The following RGS12 variants were observed in gnomAD, a reference collection of about 807,000 sequenced individuals.
The protein encoded by RGS12 is regulator of G protein signaling 12, also known as regulator of G-protein signaling 12.
Under a neutral mutation model 120.1 loss-of-function variants are expected in RGS12, and 66 were observed. That is an observed-to-expected ratio of 0.55 (90% CI 0.45 to 0.67). The LOEUF is 0.67. Ranked by LOEUF, RGS12 falls within the 30% of genes least tolerant of loss-of-function variation. The pLI is 0.00. For synonymous variants in RGS12, 827 were observed against 804.7 expected, an observed-to-expected ratio of 1.03 and a Z score of -0.47; for missense variants, 1,859 against 1,957.7, an observed-to-expected ratio of 0.95 and a Z score of 0.95.
At chr4:3,293,447 C>T (rs1723168575) in intron 1 of RGS12, among the ~76,000 whole-genome samples, 1 of 144,234 alleles carries the variant, frequency 6.9e-6, no homozygotes, top group South Asian at 2.1e-4. Context: ...GGGGCGGCGC[C>T]GGGCAGGGGG....
Position 3,372,566 on chromosome 4 carries a change from A to C in RGS12, c.1999-13850A>C, listed in dbSNP as rs957428285. On this transcript the variant is annotated intron_variant, in intron 3 of 17. Transcript: ENST00000336727. The surrounding 1 kb of genome is among the most constrained non-coding windows in gnomAD (Gnocchi z 4.3). ...GTCAGAGGCCGCCTCGGGTGCATCC[A>C]CGCTGGCCCCCCCAGGTGTGCCCTG... is the stretch of plus-strand genomic sequence containing the variant. Among the ~76,000 whole-genome samples the C allele has an allele frequency of 6.6e-6, 1 of 152,134 alleles. No individual in the cohort carries two copies. Among genetic ancestry groups the C allele is most frequent in the Non-Finnish European group, 1.5e-5 (1 of 68,030 alleles).
upstream of RGS12, among the ~76,000 whole-genome samples, chr4:3,291,292 C>T (rs1024578841): frequency 6.6e-6 from 1 of 151,976 alleles, no homozygotes; most frequent in African/African-American, 2.4e-5. Context: ...TAGGCAGGAG[C>T]CAAGAAGGTC....
intron 6 of RGS12, among the ~76,000 whole-genome samples, chr4:3,415,244 G>C (rs1011719987): frequency 2.0e-5 from 3 of 152,112 alleles, no homozygotes; most frequent in African/African-American, 4.8e-5. Flanking sequence ...AGGCTGGCTC[G>C]GTGCAGGGAG....
Position 3,428,168 on chromosome 4 carries a change from C to T in RGS12, c.3410C>T (p.Thr1137Met), listed in dbSNP as rs777956928. The change falls in exon 15 of 18, where the codon ACG (threonine) becomes ATG (methionine). Residue 1137 changes from threonine (T) to methionine (M), a missense_variant and splice_region_variant. Physicochemically the swap from Thr to Met is moderately conservative, Grantham distance 81. Transcript: ENST00000336727. ...VNSSSRNHSATGEERTLGKSN... is the reference protein window; with the variant it reads ...VNSSSRNHSAMGEERTLGKSN... ...TCCAGCTCCAGAAACCACTCGGCTACGGTAATTCCCCACCCTGGCCCACCC... is the reference window on the plus strand; with the variant it reads ...TCCAGCTCCAGAAACCACTCGGCTATGGTAATTCCCCACCCTGGCCCACCC... The T allele has an allele frequency of 5.7e-5, 92 of 1,613,068 alleles. No individual in the cohort carries two copies. Among genetic ancestry groups the T allele is most frequent in the East Asian group, 2.5e-4 (11 of 44,890 alleles).
At chr4:3,362,684 G>T (rs78154240) in intron 3 of RGS12, among the ~76,000 whole-genome samples, 36,372 of 127,474 alleles carry the variant, frequency 0.29, 5,459 homozygotes, top group African/African-American at 0.38. Context: ...TGAGGGTGAG[G>T]GTGTGTGTGA....
In RGS12 at chr4:3,318,060, G is replaced by T. The variant is rs762585915; in HGVS notation, c.1881+9G>T. 1.8e-5 allele frequency: 28 copies of T among 1,517,264 alleles called. No individual in the cohort carries two copies. Among genetic ancestry groups the T allele is most frequent in the Non-Finnish European group, 2.5e-5 (28 of 1,113,438 alleles). 94.0% of individuals were successfully genotyped at this position (1,517,264 alleles called of 1,614,324 possible). The stretch of plus-strand genomic sequence containing the variant: ...CTAAGGAAGATAAAAAGGTAAGCCT[G>T]CCAGGAGCCACTCAGCGCGGAGGCC... On this transcript the variant is annotated intron_variant, in intron 2 of 17. Transcript: ENST00000336727.
intron 3 of RGS12, among the ~76,000 whole-genome samples, chr4:3,381,080 G>A (rs760261441): frequency 5.1e-4 from 78 of 152,186 alleles, no homozygotes; most frequent in Middle Eastern, 6.8e-3. Context: ...TCTCTCTTAC[G>A]TTCAAAGTTC....
chr4:3,402,325 C>T (rs16844277), intron 4 of RGS12, among the ~76,000 whole-genome samples: 11,407 of 152,106 alleles, frequency 0.075, 1,109 homozygotes, highest in African/African-American at 0.23. Flanking sequence ...GCCTTTTTTC[C>T]GTGTCTTGTG....
At chr4:3,377,923 A>C (rs894701577) in intron 3 of RGS12, among the ~76,000 whole-genome samples, 1 of 152,224 alleles carries the variant, frequency 6.6e-6, no homozygotes, top group African/African-American at 2.4e-5. Flanking sequence ...AAATTTTTAG[A>C]GCTGTTTAAT....
intron 3 of RGS12, among the ~76,000 whole-genome samples, chr4:3,362,567 G>T (rs1179517244): frequency 1.4e-5 from 2 of 140,602 alleles, no homozygotes; most frequent in Non-Finnish European, 3.1e-5. Context: ...GTGATGTGAG[G>T]GTTGGTGTGA....
At chr4:3,311,671 G>T (rs767813282) in intron 1 of RGS12, among the ~76,000 whole-genome samples, 1 of 152,114 alleles carries the variant, frequency 6.6e-6, no homozygotes, top group Non-Finnish European at 1.5e-5. Context: ...CAAAAGTACC[G>T]CACAAAATTA....
At chr4:3,307,861 A>G (rs1189905320) in intron 1 of RGS12, among the ~76,000 whole-genome samples, 4 of 152,240 alleles carry the variant, frequency 2.6e-5, no homozygotes, top group Non-Finnish European at 5.9e-5. Flanking sequence ...AGTCCTTTTA[A>G]AAAGGGTCCT....
chr4:3,382,715 C>T (rs139757674), intron 3 of RGS12, among the ~76,000 whole-genome samples: 4 of 151,940 alleles, frequency 2.6e-5, no homozygotes, highest in African/African-American at 9.6e-5. Context: ...TTTTCAGTTC[C>T]ATCTTCCAGT....
At chr4:3,367,123 C>T (rs1223193166) in intron 3 of RGS12, among the ~76,000 whole-genome samples, 1 of 152,232 alleles carries the variant, frequency 6.6e-6, no homozygotes, top group Non-Finnish European at 1.5e-5. Context: ...GAGGGGCTCC[C>T]TCTGGGTACT....
chr4:3,342,004 T>A (rs1027746386), intron 2 of RGS12, among the ~76,000 whole-genome samples: 1 of 150,418 alleles, frequency 6.6e-6, no homozygotes, highest in African/African-American at 2.5e-5. Flanking sequence ...GTCAGCGTGG[T>A]GGTCAAGGAG....
At position 3,430,873 on chromosome 4, in the gene RGS12, G is replaced by A. The variant is rs541669301; in HGVS notation, c.4032G>A (p.Gly1344=). The change falls in exon 17 of 18, where the codon GGG becomes GGA. Residue 1344 remains glycine (G), a synonymous_variant. Coordinates refer to ENST00000336727, the MANE Select transcript of RGS12 (RefSeq NM_001394154.1). ...ACGTGGCCGAGCTGACCCTGATGGG[G>A]GAGGGGGACATCAGCAGCCCCAACA... ...DEHVAELTLM[G]EGDISSPNST... 8 of 1,612,428 alleles carry A rather than the reference G, an allele frequency of 5.0e-6. No homozygotes were observed. In the South Asian group the frequency reaches 7.7e-5, roughly 16 times the overall value.
At chr4:3,303,703 G>A (rs948956197) in intron 1 of RGS12, among the ~76,000 whole-genome samples, 2 of 152,162 alleles carry the variant, frequency 1.3e-5, no homozygotes, top group Admixed American at 6.5e-5. Flanking sequence ...GAAGTAAAAC[G>A]GAGCTACAGA....
intron 3 of RGS12, among the ~76,000 whole-genome samples, chr4:3,349,681 A>G (rs1303595089): frequency 1.3e-5 from 2 of 152,264 alleles, no homozygotes; most frequent in East Asian, 3.9e-4. Flanking sequence ...TGTAATTTTT[A>G]GTGAAAACCT....
rs984250560 is a variant in RGS12 at position 3,430,917 on chromosome 4, C to T, written c.4076C>T (p.Pro1359Leu). The T allele has an allele frequency of 6.2e-7, 1 of 1,612,684 alleles. No homozygotes were observed. Among genetic ancestry groups the T allele is most frequent in the African/African-American group, 1.3e-5 (1 of 74,928 alleles). ...SSPNSTLLPP[P>L]STPQEVPGPS... ...CCCAACAGCACCTTGCTGCCGCCGCCCTCCACCCCCCAGGAAGTGCCAGGA... is the reference window on the plus strand; with the variant it reads ...CCCAACAGCACCTTGCTGCCGCCGCTCTCCACCCCCCAGGAAGTGCCAGGA... The change falls in exon 17 of 18, where the codon CCC becomes CTC. Residue 1359 changes from proline (P) to leucine (L), a missense_variant. By Grantham distance (98) the Pro-to-Leu change is moderately conservative. Coordinates refer to ENST00000336727, the MANE Select transcript of RGS12 (RefSeq NM_001394154.1).
Sources: allele counts gnomAD v4.1 joint callset (sites outside exome capture counted in the v4.1 genomes callset), GRCh38; gene constraint gnomAD v4.1.1; non-coding constraint Gnocchi (gnomAD v3.1); transcripts MANE v1.5; gene names NCBI Gene and HGNC (gene_info 2026-07-23, HGNC 2026-07-21).